ATXN2: variants seen among roughly 807,000 people sequenced by gnomAD.
ATXN2 encodes ataxin 2, also known as ataxin-2.
A neutral mutation model predicts 138.6 loss-of-function variants in ATXN2; 37 were observed. That is an observed-to-expected ratio of 0.27 (90% CI 0.21 to 0.35). ATXN2 has a LOEUF of 0.35. ATXN2 is among the 10% of genes least tolerant of loss of function. The probability of loss-of-function intolerance (pLI) is 1.00; values close to 1 mark genes in which losing one functional copy is unlikely to be tolerated. For synonymous variants in ATXN2, 549 were observed against 543.7 expected (o/e 1.01, Z -0.13); for missense variants, 1,216 against 1,480.3 (o/e 0.82, Z 2.93).
intron 5 of ATXN2, among the ~76,000 whole-genome samples, chr12:111,545,562 TA>T (rs566428995): frequency 1.4e-5 from 2 of 147,994 alleles, no homozygotes. Flanking sequence ...AGACTCCATC[TA>T]AAAAAAAAGA....
intron 18 of ATXN2, among the ~76,000 whole-genome samples, chr12:111,480,751 GA>G (rs1322286983): frequency 6.6e-6 from 1 of 152,074 alleles, no homozygotes; most frequent in Non-Finnish European, 1.5e-5. Flanking sequence ...CAAGCAAAAG[GA>G]AAAACCTGGA....
intron 1 of ATXN2, chr12:111,581,682 C>A: frequency 4.3e-6 from 3 of 691,904 alleles, no homozygotes; most frequent in South Asian, 3.0e-5. Flanking sequence ...TATGCCTTTA[C>A]CGCCAAGTGC....
intron 20 of ATXN2, among the ~76,000 whole-genome samples, chr12:111,467,646 C>T (rs949735329): frequency 6.6e-6 from 1 of 152,148 alleles, no homozygotes; most frequent in Admixed American, 6.5e-5. Context: ...AGAACCGGCT[C>T]TAATGACTAG....
intron 22 of ATXN2, 24 bp downstream of exon 22, chr12:111,457,190 T>C: frequency 6.2e-7 from 1 of 1,602,498 alleles, no homozygotes; most frequent in Non-Finnish European, 8.5e-7. Flanking sequence ...AGCCACTCCA[T>C]GCAGACCTCT....
Position 111,485,248 on chromosome 12 carries a change from G to A in ATXN2, c.2524+17C>T. ...AGCATGCAAACTACAAGCAAACACA[G>A]GCAGGATTATTCTCACCTTTACCTG... On this transcript the variant is annotated intron_variant, in intron 18 of 24. Coordinates refer to ENST00000673436, the MANE Select transcript of ATXN2 (RefSeq NM_001372574.1). The A allele has an allele frequency of 6.3e-7, 1 of 1,599,664 alleles. No individual in the cohort carries two copies.
intron 1 of ATXN2, among the ~76,000 whole-genome samples, chr12:111,558,432 G>A (rs1882503562): frequency 6.6e-6 from 1 of 152,060 alleles, no homozygotes; most frequent in Non-Finnish European, 1.5e-5. Context: ...CTAATATCCA[G>A]GACTCTATGC....
chr12:111,479,390 T>TAAAAAAAAAAAAAAAAAA (rs33967202), intron 18 of ATXN2, among the ~76,000 whole-genome samples: 1 of 49,848 alleles, frequency 2.0e-5, no homozygotes, highest in African/African-American at 6.4e-5. Flanking sequence ...CCGTCTCTGC[T>TAAAAAAAAAAAAAAAAAA]AAAAAAAAAA....
rs902824125 is a variant in ATXN2, at chr12:111,460,885, T to C, written c.2897-3526A>G. 1.3e-4 allele frequency among the ~76,000 whole-genome samples: 20 copies of C among 152,204 alleles called. 1 individual carries two copies. The highest frequency in any genetic ancestry group is 1.2e-3 in the Admixed American group (18 of 15,280). On this transcript the variant is annotated intron_variant, in intron 21 of 24. Coordinates refer to ENST00000673436, the MANE Select transcript of ATXN2 (RefSeq NM_001372574.1). ...ATAATACGGTTTTCTAATCTATAGC[T>C]AATTTGCATGCATAGCACAAATACC...
At chr12:111,471,232 T>C (rs1443201877) in intron 18 of ATXN2, 1 of 176,488 alleles carries the variant, frequency 5.7e-6, no homozygotes. Context: ...TCAAACCCAG[T>C]ATAACACAGC....
chr12:111,528,184 T>C (rs1344322176), intron 5 of ATXN2, among the ~76,000 whole-genome samples: 1 of 152,200 alleles, frequency 6.6e-6, no homozygotes, highest in Non-Finnish European at 1.5e-5. Context: ...TTAAAAACAA[T>C]ACTCTTTTGA....
intron 5 of ATXN2, among the ~76,000 whole-genome samples, chr12:111,535,763 G>A (rs891484825): frequency 4.6e-5 from 7 of 152,146 alleles, no homozygotes; most frequent in African/African-American, 9.6e-5. Flanking sequence ...CACTTTGGGA[G>A]GCCGAGGTGG....
At chr12:111,486,396 T>C (rs1877644835) in intron 16 of ATXN2, among the ~76,000 whole-genome samples, 4 of 152,234 alleles carry the variant, frequency 2.6e-5, no homozygotes, top group African/African-American at 7.2e-5. Context: ...AGGAAACGTC[T>C]GCATGTGTTC....
intron 5 of ATXN2, among the ~76,000 whole-genome samples, chr12:111,529,509 CACCT>C (rs1486378001): frequency 6.6e-6 from 1 of 152,170 alleles, no homozygotes; most frequent in African/African-American, 2.4e-5. Flanking sequence ...AAAATTGTAT[CACCT>C]CCAGCCCCTG....
At chr12:111,557,834 G>A (rs1371654958) in intron 1 of ATXN2, among the ~76,000 whole-genome samples, 1 of 152,086 alleles carries the variant, frequency 6.6e-6, no homozygotes, top group Non-Finnish European at 1.5e-5. Context: ...TGTACATGAA[G>A]GCTAAAATGC....
intron 14 of ATXN2, among the ~76,000 whole-genome samples, chr12:111,502,163 G>A (rs1490039017): frequency 6.6e-6 from 1 of 152,188 alleles, no homozygotes; most frequent in African/African-American, 2.4e-5. Context: ...AAAGTGCTAA[G>A]ATTCAGGCAT....
At chr12:111,588,399 G>A (rs568864213) in intron 1 of ATXN2, among the ~76,000 whole-genome samples, 1 of 152,122 alleles carries the variant, frequency 6.6e-6, no homozygotes, top group East Asian at 1.9e-4. Context: ...AAGGCAGGTG[G>A]ATCACTTGAG....
At chr12:111,590,118 G>C (rs962130822) in intron 1 of ATXN2, among the ~76,000 whole-genome samples, 2 of 152,058 alleles carry the variant, frequency 1.3e-5, no homozygotes, top group Admixed American at 6.6e-5. Context: ...GGAGGCTGAG[G>C]CAGGAGAATC....
intron 1 of ATXN2, among the ~76,000 whole-genome samples, chr12:111,583,595 C>T (rs891969746): frequency 6.6e-6 from 1 of 151,384 alleles, no homozygotes; most frequent in African/African-American, 2.4e-5. Flanking sequence ...GCGAAAACCC[C>T]GTCTCTACTA....
rs761402379 is a variant in ATXN2 at position 111,509,582 on chromosome 12, A to T, written c.1902T>A (p.Ile634=). ...SPVVSEHRKQ[I]DDLKKFKNDF... is the part of the protein sequence containing the mutation. ...CATTCTTAAATTTCTTTAAATCATC[A>T]ATCTGTTTTCTATGTTCAGAAACAA... The change falls in exon 14 of 25, where the codon ATT becomes ATA. Residue 634 remains isoleucine (I), a synonymous_variant. Transcript: ENST00000673436. The T allele has an allele frequency of 4.7e-6, 7 of 1,489,942 alleles. No homozygotes were observed. Among genetic ancestry groups the T allele is most frequent in the Middle Eastern group, 2.1e-4 (1 of 4,670 alleles). 92.3% of individuals were successfully genotyped at this position (1,489,942 alleles called of 1,614,324 possible).
Sources: gnomAD v4.1 joint callset for allele counts (sites outside exome capture counted in the v4.1 genomes callset) on GRCh38, gnomAD v4.1.1 for gene constraint, MANE v1.5 for transcripts, NCBI Gene and HGNC (gene_info 2026-07-23, HGNC 2026-07-21) for gene names.